Variants in LARGE1 observed in about 807,000 individuals in gnomAD.
The protein encoded by LARGE1 is LARGE xylosyl- and glucuronyltransferase 1.
Under a neutral mutation model 87.6 loss-of-function variants are expected in LARGE1, and 43 were observed. The observed-to-expected ratio is 0.49, with a 90% CI of 0.38 to 0.63. The LOEUF (loss-of-function observed/expected upper bound fraction) is 0.63. Ranked by LOEUF, LARGE1 falls within the 30% of genes least tolerant of loss-of-function variation. The pLI is 0.00. For missense variants in LARGE1, 802 were observed against 1,000.2 expected (o/e 0.80, Z 2.67); for synonymous variants, 434 against 394.6 (o/e 1.10, Z -1.18).
intron 11 of LARGE1, among the ~76,000 whole-genome samples, chr22:33,256,130 T>A (rs1358577567): frequency 1.3e-5 from 2 of 152,210 alleles, no homozygotes; most frequent in East Asian, 1.9e-4. Context: ...CAAGAATTTA[T>A]CAGCTGTAAT....
chr22:33,874,886 G>C (rs1417102212), intron 1 of LARGE1, among the ~76,000 whole-genome samples: 1 of 152,206 alleles, frequency 6.6e-6, no homozygotes, highest in Non-Finnish European at 1.5e-5. Flanking sequence ...GCTTTACATG[G>C]ATTAATAATT....
intron 1 of LARGE1, among the ~76,000 whole-genome samples, chr22:33,911,539 C>T (rs1339496553): frequency 6.6e-6 from 1 of 152,194 alleles, no homozygotes; most frequent in African/African-American, 2.4e-5. Flanking sequence ...CGCCGGTCTA[C>T]ACCTAAGTCA....
At chr22:33,818,576 T>A (rs1601691771) in intron 1 of LARGE1, among the ~76,000 whole-genome samples, 2 of 152,184 alleles carry the variant, frequency 1.3e-5, no homozygotes, top group South Asian at 4.1e-4. Flanking sequence ...TCAGTATTTG[T>A]TGATAGCCTG....
chr22:33,104,325 G>A, the LARGE1 span, among the ~76,000 whole-genome samples: 30,590 of 152,226 alleles, frequency 0.2, 3,560 homozygotes, highest in Non-Finnish European at 0.27. Flanking sequence ...GGATAAGACA[G>A]CTCATACATG....
intron 5 of LARGE1, among the ~76,000 whole-genome samples, chr22:33,598,428 T>C (rs552722936): frequency 6.6e-6 from 1 of 152,238 alleles, no homozygotes; most frequent in African/African-American, 2.4e-5. Flanking sequence ...GACCATACAG[T>C]TTTGTTATAT....
chr22:33,510,359 A>G (rs2070998758), intron 6 of LARGE1, among the ~76,000 whole-genome samples: 1 of 152,208 alleles, frequency 6.6e-6, no homozygotes, highest in African/African-American at 2.4e-5. Context: ...AACTTTACAG[A>G]TGAGGAAATT....
chr22:33,904,688 A>G (rs1569025008), intron 1 of LARGE1, among the ~76,000 whole-genome samples: 1 of 152,170 alleles, frequency 6.6e-6, no homozygotes, highest in Non-Finnish European at 1.5e-5. Flanking sequence ...TCAGTCACTT[A>G]AGAAGATAAA....
At chr22:33,205,780 A>G (rs191628464) in intron 11 of LARGE1, among the ~76,000 whole-genome samples, 1 of 151,894 alleles carries the variant, frequency 6.6e-6, no homozygotes, top group East Asian at 1.9e-4. Flanking sequence ...ATATTGTGTG[A>G]CTTTGTTGTT....
intron 5 of LARGE1, among the ~76,000 whole-genome samples, chr22:33,582,816 A>G (rs1034140905): frequency 6.6e-6 from 1 of 152,238 alleles, no homozygotes; most frequent in African/African-American, 2.4e-5. Context: ...TTAGGTCAAG[A>G]GCATCCTCAT....
At chr22:33,775,502 G>A (rs536820979) in intron 1 of LARGE1, among the ~76,000 whole-genome samples, 59 of 13,548 alleles carry the variant, frequency 4.4e-3, no homozygotes, top group Middle Eastern at 0.05. Flanking sequence ...GTTCTCAATA[G>A]GGGGTAATTT....
At chr22:33,882,871 G>A (rs530120646) in intron 1 of LARGE1, among the ~76,000 whole-genome samples, 10 of 152,138 alleles carry the variant, frequency 6.6e-5, no homozygotes, top group South Asian at 2.1e-4. Context: ...CTGATGGAGC[G>A]CTCTTTTAAC....
intron 1 of LARGE1, among the ~76,000 whole-genome samples, chr22:33,778,219 G>A (rs572963092): frequency 6.6e-6 from 1 of 152,272 alleles, no homozygotes; most frequent in Admixed American, 6.5e-5. Flanking sequence ...ACCTTGAACT[G>A]TACCCCGTGT....
intron 9 of LARGE1, among the ~76,000 whole-genome samples, chr22:33,376,341 T>G (rs1385144318): frequency 6.6e-6 from 1 of 152,256 alleles, no homozygotes; most frequent in Non-Finnish European, 1.5e-5. Flanking sequence ...CTCTTCTAGA[T>G]TTCTACAATC....
At chr22:33,763,838 C>CTTTTTT (rs71187279) in intron 1 of LARGE1, among the ~76,000 whole-genome samples, 2 of 71,180 alleles carry the variant, frequency 2.8e-5, no homozygotes, top group Non-Finnish European at 2.5e-5. Context: ...AATTAGTTTG[C>CTTTTTT]TTTTTTTTTT....
intron 2 of LARGE1, among the ~76,000 whole-genome samples, chr22:33,726,816 G>C (rs2083284865): frequency 6.6e-6 from 1 of 152,102 alleles, no homozygotes; most frequent in South Asian, 2.1e-4. Flanking sequence ...GGGGGAATTG[G>C]GGTGCAGGGA....
At chr22:33,109,191 G>T in the LARGE1 span, 1 of 152,110 alleles carries the variant, frequency 6.6e-6, no homozygotes, top group Admixed American at 6.5e-5. Flanking sequence ...AACCCAGGAA[G>T]TCTCAACACA....
intron 3 of LARGE1, among the ~76,000 whole-genome samples, chr22:33,645,768 A>G (rs1399174130): frequency 3.3e-5 from 5 of 152,242 alleles, no homozygotes; most frequent in African/African-American, 1.2e-4. Flanking sequence ...TGACCCCATC[A>G]AAAAGTGGCG....
chr22:33,332,031 A>ATT (rs1937778376), intron 10 of LARGE1, among the ~76,000 whole-genome samples: 1 of 152,060 alleles, frequency 6.6e-6, no homozygotes, highest in African/African-American at 2.4e-5. Context: ...CTCACTCAAC[A>ATT]GTGACTGCAA....
intron 11 of LARGE1, chr22:33,166,908 G>T: frequency 2.1e-6 from 1 of 468,042 alleles, no homozygotes; most frequent in South Asian, 1.6e-5. Context: ...AATGATACTG[G>T]CTAAGAGTAA....
Sources: allele counts gnomAD v4.1 joint callset (sites outside exome capture counted in the v4.1 genomes callset), GRCh38; gene constraint gnomAD v4.1.1; transcripts MANE v1.5; gene names NCBI Gene and HGNC (gene_info 2026-07-23, HGNC 2026-07-21).